The following CDK14 variants were observed in gnomAD, a reference collection of about 807,000 sequenced individuals.
The protein encoded by CDK14 is cyclin dependent kinase 14, also known as cyclin-dependent kinase 14.
CDK14 carries 34 observed loss-of-function variants against 60.7 expected under a neutral mutation model. That is an observed-to-expected ratio of 0.56 (90% CI 0.43 to 0.75). CDK14 has a LOEUF of 0.75. Among genes scored for constraint, CDK14 ranks in the 30% least tolerant of loss-of-function variants. The pLI, the probability that CDK14 is intolerant of heterozygous loss-of-function variation, is 0.00. For missense variants in CDK14, 482 were observed against 564.1 expected, an observed-to-expected ratio of 0.85 and a Z score of 1.47; for synonymous variants, 197 against 203.7, an observed-to-expected ratio of 0.97 and a Z score of 0.28.
chr7:90,774,229 A>T (rs959734653), intron 4 of CDK14, among the ~76,000 whole-genome samples: 7 of 152,092 alleles, frequency 4.6e-5, no homozygotes, highest in Non-Finnish European at 7.4e-5. Context: ...TATACCAGTT[A>T]TATATAACGC....
chr7:90,744,868 C>T (rs1477424013), intron 3 of CDK14, among the ~76,000 whole-genome samples: 4 of 150,534 alleles, frequency 2.7e-5, no homozygotes, highest in Non-Finnish European at 4.4e-5. Context: ...ACCTCCCTCC[C>T]GGACGGGGCG....
chr7:90,802,680 C>A (rs960781273), intron 5 of CDK14, among the ~76,000 whole-genome samples: 1 of 152,150 alleles, frequency 6.6e-6, no homozygotes, highest in Non-Finnish European at 1.5e-5. Flanking sequence ...TACGACTCAA[C>A]TTACAGGCTT....
intron 3 of CDK14, among the ~76,000 whole-genome samples, chr7:90,740,073 T>A (rs1320021424): frequency 6.6e-6 from 1 of 152,022 alleles, no homozygotes; most frequent in African/African-American, 2.4e-5. Flanking sequence ...GTGAATGTAA[T>A]GCCTAAAGAG....
At chr7:90,815,209 A>T (rs922536048) in intron 5 of CDK14, among the ~76,000 whole-genome samples, 57 of 152,200 alleles carry the variant, frequency 3.7e-4, no homozygotes, top group African/African-American at 1.1e-3. Flanking sequence ...GTAATATCCA[A>T]ACTCTTTTCC....
At chr7:91,048,099 TA>T (rs1349277021) in intron 11 of CDK14, among the ~76,000 whole-genome samples, 2 of 152,078 alleles carry the variant, frequency 1.3e-5, no homozygotes, top group Non-Finnish European at 2.9e-5. Flanking sequence ...TTTAAGCAAT[TA>T]AAAATATCAA....
intron 2 of CDK14, among the ~76,000 whole-genome samples, chr7:90,720,170 A>T (rs1802393936): frequency 6.6e-6 from 1 of 152,198 alleles, no homozygotes; most frequent in Non-Finnish European, 1.5e-5. Flanking sequence ...AAGTATCACA[A>T]AAAGAATAAT....
At chr7:90,611,411 A>G (rs1474951339) in intron 2 of CDK14, among the ~76,000 whole-genome samples, 1 of 152,172 alleles carries the variant, frequency 6.6e-6, no homozygotes, top group Non-Finnish European at 1.5e-5. Flanking sequence ...ACATATCATT[A>G]ATTCTTGTAT....
chr7:90,955,921 G>GCAAACACTCCTGCACC, intron 9 of CDK14, 104 bp downstream of exon 9: 1 of 1,380,276 alleles, frequency 7.2e-7, no homozygotes, highest in Non-Finnish European at 1.0e-6. Flanking sequence ...AATGGTGCAG[G>GCAAACACTCCTGCACC]AGTGTTTGCC....
chr7:90,674,658 A>G (rs1170350293), intron 2 of CDK14, among the ~76,000 whole-genome samples: 3 of 152,172 alleles, frequency 2.0e-5, no homozygotes, highest in African/African-American at 7.2e-5. Flanking sequence ...ATACCATAAA[A>G]TGCATAATTA....
chr7:90,722,376 A>C (rs921068213), intron 2 of CDK14, among the ~76,000 whole-genome samples: 2 of 151,666 alleles, frequency 1.3e-5, no homozygotes, highest in Admixed American at 1.3e-4. Context: ...CCTAATTTTT[A>C]TATTTGTTTT....
chr7:90,751,550 C>G (rs888957918), intron 4 of CDK14, among the ~76,000 whole-genome samples: 2 of 152,006 alleles, frequency 1.3e-5, no homozygotes, highest in African/African-American at 2.4e-5. Flanking sequence ...AGAACAATAC[C>G]CACTACCACA....
chr7:90,756,606 T>C (rs766876624), intron 4 of CDK14, among the ~76,000 whole-genome samples: 2 of 152,340 alleles, frequency 1.3e-5, no homozygotes, highest in Admixed American at 1.3e-4. Flanking sequence ...CTCCCTGGCT[T>C]TGCTTGCTTT....
chr7:90,778,846 A>ATCTTCCTTCCTTCCTT (rs1554335028), intron 4 of CDK14, among the ~76,000 whole-genome samples: 21 of 127,864 alleles, frequency 1.6e-4, no homozygotes, highest in African/African-American at 6.5e-4. Flanking sequence ...AAATTGACCG[A>ATCTTCCTTCCTTCCTT]CCTTCCTTCC....
intron 3 of CDK14, among the ~76,000 whole-genome samples, chr7:90,729,922 C>T (rs1247912706): frequency 2.6e-5 from 4 of 151,930 alleles, no homozygotes; most frequent in Non-Finnish European, 5.9e-5. Flanking sequence ...ATGTGCAGAA[C>T]ATGCAGGTTT....
intron 11 of CDK14, 142 bp from the exon 12 acceptor site, chr7:91,079,290 C>T (rs1798414430): frequency 1.8e-6 from 1 of 561,346 alleles, no homozygotes; most frequent in Non-Finnish European, 3.2e-6. Flanking sequence ...TATAACTGCC[C>T]AGTATAAAAG....
At chr7:91,069,791 A>T (rs1331520076) in intron 11 of CDK14, among the ~76,000 whole-genome samples, 2 of 152,142 alleles carry the variant, frequency 1.3e-5, no homozygotes, top group Admixed American at 6.6e-5. Flanking sequence ...AACATTTTTT[A>T]AAATTTTTTG....
chr7:90,683,130 T>C (rs1271451818), intron 2 of CDK14, among the ~76,000 whole-genome samples: 3 of 152,180 alleles, frequency 2.0e-5, no homozygotes, highest in Non-Finnish European at 4.4e-5. Context: ...CATTCATCGA[T>C]TTGTCTTTAC....
chr7:90,615,934 T>G (rs573651649), intron 2 of CDK14, among the ~76,000 whole-genome samples: 86 of 152,208 alleles, frequency 5.7e-4, no homozygotes, highest in Non-Finnish European at 1.1e-3. Flanking sequence ...TGGGGGTGTG[T>G]CATATCCCTC....
chr7:90,865,506 A>T (rs1292448910), intron 6 of CDK14, among the ~76,000 whole-genome samples: 1 of 152,180 alleles, frequency 6.6e-6, no homozygotes, highest in Non-Finnish European at 1.5e-5. Flanking sequence ...GTCTAGCAGA[A>T]ATAAACTCTA....
Sources: allele counts gnomAD v4.1 joint callset (sites outside exome capture counted in the v4.1 genomes callset), GRCh38; gene constraint gnomAD v4.1.1; transcripts MANE v1.5; gene names NCBI Gene and HGNC (gene_info 2026-07-23, HGNC 2026-07-21).